The following TTLL7 variants were observed in gnomAD, a reference collection of about 807,000 sequenced individuals.
TTLL7 encodes tubulin tyrosine ligase like 7.
A neutral mutation model predicts 120.2 loss-of-function variants in TTLL7; 53 were observed. That is an observed-to-expected ratio of 0.44 (90% CI 0.35 to 0.55). The LOEUF (loss-of-function observed/expected upper bound fraction) is 0.55. TTLL7 is among the 20% of genes least tolerant of loss of function. The pLI is 0.00. For missense variants in TTLL7, 803 were observed against 1,054.7 expected, an observed-to-expected ratio of 0.76 and a Z score of 3.31; for synonymous variants, 353 against 351.7, an observed-to-expected ratio of 1.00 and a Z score of -0.04.
At chr1:83,907,786 T>G in intron 15 of TTLL7, 125 bp from the exon 16 acceptor site, 1 of 813,466 alleles carries the variant, frequency 1.2e-6, no homozygotes, top group Non-Finnish European at 1.9e-6. Context: ...TGTCAAAGCA[T>G]AGGCATCATC....
chr1:83,978,900 T>G (rs553307674), intron 1 of TTLL7, among the ~76,000 whole-genome samples: 1 of 152,200 alleles, frequency 6.6e-6, no homozygotes. Context: ...GAACTGATTC[T>G]TAATTTATTC....
intron 18 of TTLL7, among the ~76,000 whole-genome samples, chr1:83,893,669 T>C (rs897448228): frequency 6.9e-6 from 1 of 144,968 alleles, no homozygotes; most frequent in African/African-American, 2.7e-5. Flanking sequence ...AATTTAAACA[T>C]TTGTTTAAAA....
At chr1:83,954,100 C>G (rs1373719572) in intron 1 of TTLL7, among the ~76,000 whole-genome samples, 1 of 152,062 alleles carries the variant, frequency 6.6e-6, no homozygotes, top group Non-Finnish European at 1.5e-5. Flanking sequence ...CATCTTGTTA[C>G]TGGAGTAAAC....
At chr1:83,964,517 TTCTATA>T (rs996935724) in intron 1 of TTLL7, among the ~76,000 whole-genome samples, 108 of 152,290 alleles carry the variant, frequency 7.1e-4, no homozygotes, top group Admixed American at 1.7e-3. Context: ...CATTATTTTA[TTCTATA>T]TCTTGTTAAG....
chr1:83,913,292 A>C (rs1344640646), intron 14 of TTLL7, among the ~76,000 whole-genome samples: 1 of 152,218 alleles, frequency 6.6e-6, no homozygotes, highest in Non-Finnish European at 1.5e-5. Flanking sequence ...AAATATATGA[A>C]GAATAAACAC....
intron 1 of TTLL7, among the ~76,000 whole-genome samples, chr1:83,954,808 T>A (rs1299183118): frequency 1.4e-5 from 2 of 142,058 alleles, no homozygotes; most frequent in Non-Finnish European, 3.1e-5. Context: ...ATAACTTTTT[T>A]AAAAAGACCA....
At chr1:83,901,593 C>T (rs924559097) in intron 18 of TTLL7, among the ~76,000 whole-genome samples, 8 of 151,916 alleles carry the variant, frequency 5.3e-5, no homozygotes, top group Admixed American at 1.3e-4. Flanking sequence ...TTCCATTAAT[C>T]GAAGCCAAAG....
chr1:83,986,687 C>T (rs1652480769), intron 1 of TTLL7, among the ~76,000 whole-genome samples: 1 of 152,084 alleles, frequency 6.6e-6, no homozygotes, highest in Admixed American at 6.5e-5. Context: ...ACTAAAAACA[C>T]AAAATTGGCC....
At chr1:83,871,598 G>A (rs1159583499) in intron 20 of TTLL7, among the ~76,000 whole-genome samples, 1 of 152,042 alleles carries the variant, frequency 6.6e-6, no homozygotes, top group Non-Finnish European at 1.5e-5. Flanking sequence ...CTTGACATTA[G>A]AATTCTCCAG....
chr1:83,890,521 T>G (rs1655378686), intron 18 of TTLL7, 40 bp from the exon 19 acceptor site: 1 of 1,522,424 alleles, frequency 6.6e-7, no homozygotes, highest in African/African-American at 1.4e-5. Context: ...TAGGAATGTA[T>G]ATCTGTGTCT....
intron 14 of TTLL7, among the ~76,000 whole-genome samples, chr1:83,915,413 T>C (rs942964486): frequency 6.6e-6 from 1 of 152,168 alleles, no homozygotes; most frequent in Non-Finnish European, 1.5e-5. Context: ...ATTTAATAAA[T>C]GGTGCTGGGA....
chr1:83,979,931 T>G (rs1166523229), intron 1 of TTLL7: 1 of 152,238 alleles, frequency 6.6e-6, no homozygotes, highest in Non-Finnish European at 1.5e-5. Context: ...GAAAGATTTT[T>G]TAAAATCAAA....
chr1:83,957,927 T>C (rs1205220900), intron 1 of TTLL7, among the ~76,000 whole-genome samples: 1 of 152,206 alleles, frequency 6.6e-6, no homozygotes, highest in Non-Finnish European at 1.5e-5. Context: ...TTGTTTAAGC[T>C]ACCTAGTCTA....
chr1:83,949,310 G>GC (rs149297117), intron 4 of TTLL7: 2,306 of 136,906 alleles, frequency 0.017, 44 homozygotes, highest in African/African-American at 0.051. Context: ...TGTTTTTTTT[G>GC]TTTTGTTTTT....
chr1:83,936,850 G>A (rs2100830481), intron 8 of TTLL7, among the ~76,000 whole-genome samples: 1 of 152,284 alleles, frequency 6.6e-6, no homozygotes, highest in Non-Finnish European at 1.5e-5. Context: ...ATAAGCTGCT[G>A]CTGAGTGGTG....
rs377489362 is a variant in TTLL7, at chr1:83,919,706, C to G, written c.1493G>C (p.Arg498Thr). ...AAACATTCATTCTCTTACCTTCATC[C>G]TTTTCAAAGGATTATTCAACTCTCG... ...FQRELNNPLK[R>T]MKEEDILDLL... is the part of the protein sequence containing the mutation. Residue 498 changes from arginine (R) to threonine (T), a missense_variant, in exon 13 of 21, where the codon AGG becomes ACG. Physicochemically the swap from Arg to Thr is moderately conservative, Grantham distance 71 (BLOSUM62 -1). Coordinates refer to ENST00000260505, the MANE Select transcript of TTLL7 (RefSeq NM_024686.6). The G allele has an allele frequency of 7.6e-5, 122 of 1,609,806 alleles. No individual in the cohort carries two copies. The highest frequency in any genetic ancestry group is 9.9e-5 in the Non-Finnish European group (117 of 1,178,022).
chr1:83,919,112 A>G (rs903159111), intron 13 of TTLL7, among the ~76,000 whole-genome samples: 3 of 152,008 alleles, frequency 2.0e-5, no homozygotes, highest in African/African-American at 7.2e-5. Flanking sequence ...GATACATGCT[A>G]CTATATGATT....
chr1:83,996,058 T>C (rs183795241), intron 1 of TTLL7, among the ~76,000 whole-genome samples: 1 of 152,256 alleles, frequency 6.6e-6, no homozygotes, highest in East Asian at 1.9e-4. Flanking sequence ...AAACTACGCA[T>C]GAAAAAAGTG....
At chr1:83,905,563 A>G (rs1657128601) in intron 17 of TTLL7, among the ~76,000 whole-genome samples, 1 of 150,562 alleles carries the variant, frequency 6.6e-6, no homozygotes, top group South Asian at 2.1e-4. Flanking sequence ...TTATAAAATT[A>G]TATCTGTAAA....
Sources: gnomAD v4.1 joint callset for allele counts (sites outside exome capture counted in the v4.1 genomes callset) on GRCh38, gnomAD v4.1.1 for gene constraint, MANE v1.5 for transcripts, NCBI Gene and HGNC (gene_info 2026-07-23, HGNC 2026-07-21) for gene names.